SLC35A3: variants seen among roughly 807,000 people sequenced by gnomAD.
SLC35A3 encodes solute carrier family 35 member A3.
SLC35A3 carries 26 observed loss-of-function variants against 39.0 expected under a neutral mutation model. That is an observed-to-expected ratio of 0.67 (90% CI 0.49 to 0.92). SLC35A3 has a LOEUF of 0.92. Ranked by LOEUF, SLC35A3 falls within the 40% of genes least tolerant of loss-of-function variation. SLC35A3 has a pLI of 0.00. For synonymous variants in SLC35A3, 135 were observed against 133.1 expected, an observed-to-expected ratio of 1.01 and a Z score of -0.10; for missense variants, 299 against 371.6, an observed-to-expected ratio of 0.80 and a Z score of 1.61.
chr1:99,985,435 T>A (rs1460881288), intron 1 of SLC35A3, among the ~76,000 whole-genome samples: 1 of 152,250 alleles, frequency 6.6e-6, no homozygotes, highest in East Asian at 1.9e-4. Flanking sequence ...GTGCCTATTT[T>A]TATAACAGTA....
Position 100,029,862 on chromosome 1 carries a change from TAGAG to T in SLC35A3, c.*7397_*7400del, listed in dbSNP as rs374965223. The T allele has an allele frequency of 2.4e-4, 36 of 150,918 alleles. No homozygotes were observed. The highest frequency in any genetic ancestry group is 7.3e-4 in the Admixed American group (11 of 14,982). 9.3% of individuals were successfully genotyped at this position (150,918 alleles called of 1,614,324 possible). ...TGTGTTAAGAACATATATATATATA[TAGAG>T]AGAGAGAGAGCATAGTATTGTCATT... On this transcript the variant is annotated 3_prime_UTR_variant, in exon 8 of 8. Coordinates refer to ENST00000533028, the MANE Select transcript of SLC35A3 (RefSeq NM_012243.3).
In SLC35A3 at chr1:99,975,932, C is replaced by T. The variant is rs1006548661; in HGVS notation, c.-19+5770C>T. 1.3e-5 allele frequency among the ~76,000 whole-genome samples: 2 copies of T among 151,986 alleles called. 1 individual carries two copies. The highest frequency in any genetic ancestry group is 4.1e-4 in the South Asian group (2 of 4,822). ...AAAATTATCTGGTTGTGGTAGCATG[C>T]GGTTGTAGGTCCAGCTACTTGGGAG... On this transcript the variant is annotated intron_variant, in intron 1 of 7. Transcript: ENST00000533028.
At chr1:99,998,808 A>G (rs12143495) in intron 2 of SLC35A3, among the ~76,000 whole-genome samples, 7,070 of 152,230 alleles carry the variant, frequency 0.046, 191 homozygotes, top group African/African-American at 0.068. Flanking sequence ...TTTGCAACCA[A>G]ACCCATTCCC....
intron 2 of SLC35A3, among the ~76,000 whole-genome samples, chr1:99,998,537 A>G (rs1570596158): frequency 6.6e-6 from 1 of 152,238 alleles, no homozygotes; most frequent in East Asian, 1.9e-4. Flanking sequence ...TGTCCACCCC[A>G]GGGACTTTTC....
chr1:100,032,348 C>T lies in SLC35A3; in HGVS notation c.*9872C>T, dbSNP rs1473828064. 1 of 151,748 alleles carries T rather than the reference C, an allele frequency of 6.6e-6. No individual in the cohort carries two copies. Among genetic ancestry groups the T allele is most frequent in the African/African-American group, 2.4e-5 (1 of 41,130 alleles). 9.4% of individuals were successfully genotyped at this position (151,748 alleles called of 1,614,324 possible). A position where few individuals can be genotyped will look rare whatever the true frequency, so the allele number is the denominator to read the frequency against. ...TTTTTAGTGCTCTAAATTTCTTCTA[C>T]ATTTATTAGTTTATATTCTTTTTTA... is the stretch of plus-strand genomic sequence containing the variant. On this transcript the variant is annotated 3_prime_UTR_variant, in exon 8 of 8. Coordinates refer to ENST00000533028, the MANE Select transcript of SLC35A3 (RefSeq NM_012243.3).
chr1:99,975,856 T>C (rs1254594969), intron 1 of SLC35A3, among the ~76,000 whole-genome samples: 1 of 152,022 alleles, frequency 6.6e-6, no homozygotes, highest in Non-Finnish European at 1.5e-5. Flanking sequence ...GGGCAGGAGT[T>C]TGAGACCAGC....
chr1:99,978,667 A>G (rs1003422168), intron 1 of SLC35A3, among the ~76,000 whole-genome samples: 1 of 152,232 alleles, frequency 6.6e-6, no homozygotes, highest in Admixed American at 6.5e-5. Flanking sequence ...ACGGTTAAAC[A>G]TTTAGTTTTG....
intron 3 of SLC35A3, among the ~76,000 whole-genome samples, chr1:100,003,520 G>A (rs1570603810): frequency 6.6e-6 from 1 of 151,766 alleles, no homozygotes; most frequent in East Asian, 1.9e-4. Context: ...GATTTGTTGA[G>A]ACTTATAGCC....
At chr1:99,983,115 ATTTAC>A in intron 1 of SLC35A3, among the ~76,000 whole-genome samples, 1 of 152,192 alleles carries the variant, frequency 6.6e-6, no homozygotes, top group Non-Finnish European at 1.5e-5. Context: ...AACGTTTACA[ATTTAC>A]AAATTTATGT....
intron 2 of SLC35A3, among the ~76,000 whole-genome samples, chr1:99,995,305 A>G (rs1198865339): frequency 6.6e-6 from 1 of 151,724 alleles, no homozygotes; most frequent in Non-Finnish European, 1.5e-5. Context: ...GGTGCATGCT[A>G]CCACACCCTG....
intron 1 of SLC35A3, among the ~76,000 whole-genome samples, chr1:99,986,715 A>G (rs773284970): frequency 4.3e-4 from 65 of 151,350 alleles, no homozygotes; most frequent in Non-Finnish European, 8.6e-4. Flanking sequence ...TCAGACCCCA[A>G]TAGCTGGGAC....
rs1661384170 is a variant in SLC35A3, at chr1:100,034,147, TTTTG to T, written c.*11678_*11681del. The T allele has an allele frequency of 6.6e-6, 1 of 152,160 alleles. No individual in the cohort carries two copies. The highest frequency in any genetic ancestry group is 1.5e-5 in the Non-Finnish European group (1 of 68,008). 9.4% of individuals were successfully genotyped at this position (152,160 alleles called of 1,614,324 possible). A position where few individuals can be genotyped will look rare whatever the true frequency, so the allele number is the denominator to read the frequency against. ...ATTTTTTTCCCTTTTGGAAATGACA[TTTTG>T]TTTGTTGTTTTTTACCTAGAGACCC... is the stretch of plus-strand genomic sequence containing the variant. On this transcript the variant is annotated 3_prime_UTR_variant, in exon 8 of 8. Coordinates refer to ENST00000533028, the MANE Select transcript of SLC35A3 (RefSeq NM_012243.3).
chr1:99,992,717 C>T (rs1658159818), intron 1 of SLC35A3, among the ~76,000 whole-genome samples: 1 of 152,194 alleles, frequency 6.6e-6, no homozygotes, highest in South Asian at 2.1e-4. Context: ...TGTCCTTACT[C>T]ATCCAAGTTG....
intron 5 of SLC35A3, among the ~76,000 whole-genome samples, chr1:100,012,747 T>C (rs563950645): frequency 1.3e-5 from 2 of 152,338 alleles, no homozygotes; most frequent in African/African-American, 4.8e-5. Context: ...TGGATAAAAG[T>C]CTATCCTATA....
chr1:99,980,465 A>C (rs954005343), intron 1 of SLC35A3, among the ~76,000 whole-genome samples: 1 of 152,194 alleles, frequency 6.6e-6, no homozygotes, highest in African/African-American at 2.4e-5. Context: ...TACAATAGTG[A>C]GTGCTGAACG....
At chr1:99,972,344 T>C (rs1168724672) in intron 1 of SLC35A3, among the ~76,000 whole-genome samples, 2 of 150,538 alleles carry the variant, frequency 1.3e-5, no homozygotes, top group Non-Finnish European at 3.0e-5. Context: ...TTTTTTTTTT[T>C]TTTTTTGAGA....
intron 2 of SLC35A3, among the ~76,000 whole-genome samples, chr1:99,997,433 T>TATATATATATAC (rs2101172534): frequency 2.2e-5 from 1 of 44,608 alleles, no homozygotes; most frequent in East Asian, 7.9e-4. Context: ...TATATATATA[T>TATATATATATAC]ATATATATAT....
chr1:100,017,656 T>TA, intron 6 of SLC35A3, 26 bp from the exon 7 acceptor site: 1 of 1,453,756 alleles, frequency 6.9e-7, no homozygotes. Context: ...ATGTGTGTTT[T>TA]AAAAAATATT....
intron 1 of SLC35A3, among the ~76,000 whole-genome samples, chr1:99,979,345 A>G (rs1657305693): frequency 6.6e-6 from 1 of 151,520 alleles, no homozygotes; most frequent in African/African-American, 2.4e-5. Context: ...TCACTCTAAT[A>G]TCACAGGACA....
Sources: gnomAD v4.1 joint callset for allele counts (sites outside exome capture counted in the v4.1 genomes callset) on GRCh38, gnomAD v4.1.1 for gene constraint, MANE v1.5 for transcripts, NCBI Gene and HGNC (gene_info 2026-07-23, HGNC 2026-07-21) for gene names.